Variants in GRIP1 observed in about 807,000 individuals in gnomAD.
The protein encoded by GRIP1 is glutamate receptor interacting protein 1, also known as glutamate receptor-interacting protein 1.
Under a neutral mutation model 129.9 loss-of-function variants are expected in GRIP1, and 45 were observed. That is an observed-to-expected ratio of 0.35 (90% CI 0.27 to 0.44). GRIP1 has a LOEUF of 0.44. Ranked by LOEUF, GRIP1 falls within the 20% of genes least tolerant of loss-of-function variation. The probability of loss-of-function intolerance (pLI) is 1.00; values close to 1 mark genes in which losing one functional copy is unlikely to be tolerated. For missense variants in GRIP1, 1,196 were observed against 1,396.8 expected (o/e 0.86, Z 2.29); for synonymous variants, 530 against 520.8 (o/e 1.02, Z -0.24).
intron 1 of GRIP1, among the ~76,000 whole-genome samples, chr12:66,886,862 T>G (rs964459438): frequency 1.7e-4 from 26 of 152,346 alleles, no homozygotes; most frequent in Admixed American, 1.7e-3. Context: ...TGTTAATTAC[T>G]GTTATTACTA....
At chr12:66,780,564 T>C (rs1429246890) in intron 1 of GRIP1, among the ~76,000 whole-genome samples, 2 of 152,066 alleles carry the variant, frequency 1.3e-5, no homozygotes, top group Non-Finnish European at 2.9e-5. Flanking sequence ...AAAGAGAAGA[T>C]CCAGATGAAA....
intron 2 of GRIP1, among the ~76,000 whole-genome samples, chr12:66,545,207 T>C (rs1282276822): frequency 2.0e-5 from 3 of 152,206 alleles, no homozygotes; most frequent in African/African-American, 7.2e-5. Flanking sequence ...AGCTATACCA[T>C]TACTTACTCA....
chr12:66,558,157 G>GA (rs1347684872), intron 2 of GRIP1, among the ~76,000 whole-genome samples: 11 of 152,122 alleles, frequency 7.2e-5, no homozygotes, highest in African/African-American at 2.4e-4. Context: ...AAACTCAAAG[G>GA]ACCTATATTA....
chr12:66,632,129 G>T (rs1488655774), intron 1 of GRIP1, among the ~76,000 whole-genome samples: 2 of 152,074 alleles, frequency 1.3e-5, no homozygotes, highest in Admixed American at 1.3e-4. Context: ...GTCAAGAGTG[G>T]CCCCATTTCT....
chr12:66,543,939 T>G (rs2061867423), intron 2 of GRIP1, among the ~76,000 whole-genome samples: 1 of 152,106 alleles, frequency 6.6e-6, no homozygotes, highest in South Asian at 2.1e-4. Context: ...ATGTGAGAAG[T>G]AAGTTTCTAT....
chr12:66,769,150 C>T (rs748111077), intron 1 of GRIP1, among the ~76,000 whole-genome samples: 2 of 152,030 alleles, frequency 1.3e-5, no homozygotes, highest in Non-Finnish European at 2.9e-5. Context: ...GATGCGGATG[C>T]TGTGGAGGGA....
intron 2 of GRIP1, among the ~76,000 whole-genome samples, chr12:66,592,079 A>G (rs2063868184): frequency 6.6e-6 from 1 of 152,224 alleles, no homozygotes; most frequent in Non-Finnish European, 1.5e-5. Flanking sequence ...CAAATGAAGC[A>G]TCTAATTATA....
intron 1 of GRIP1, among the ~76,000 whole-genome samples, chr12:66,851,756 C>A (rs1286849015): frequency 6.6e-6 from 1 of 152,098 alleles, no homozygotes; most frequent in African/African-American, 2.4e-5. Flanking sequence ...TAGTGTATGG[C>A]TAAGCAGGAT....
rs150335496 is a variant in GRIP1 at position 66,618,312 on chromosome 12, C to T, written c.56-21385G>A. Among the ~76,000 whole-genome samples the T allele has an allele frequency of 1.1e-4, 16 of 152,136 alleles. No homozygotes were observed. The East Asian group carries it at 1.7e-3, about 17-fold the overall frequency. ...ATTTTGTTTTAAAAACAGAAAATTA[C>T]GAATATAAATTTATAGTTGCTTCTA... On this transcript the variant is annotated intron_variant, in intron 1 of 24. Coordinates refer to ENST00000359742, the MANE Select transcript of GRIP1 (RefSeq NM_001366722.1).
chr12:66,484,538 G>A (rs944592507), intron 7 of GRIP1, among the ~76,000 whole-genome samples: 21 of 152,184 alleles, frequency 1.4e-4, no homozygotes, highest in African/African-American at 5.1e-4. Context: ...ACATGGATGG[G>A]TCTGGATGAC....
intron 7 of GRIP1, among the ~76,000 whole-genome samples, chr12:66,511,216 T>C (rs572129526): frequency 6.6e-6 from 1 of 152,280 alleles, no homozygotes; most frequent in African/African-American, 2.4e-5. Flanking sequence ...TCTGCTGCCA[T>C]GGGAAATGTT....
intron 20 of GRIP1, among the ~76,000 whole-genome samples, chr12:66,378,523 G>A (rs543227086): frequency 1.0e-3 from 154 of 152,112 alleles, no homozygotes; most frequent in African/African-American, 3.1e-3. Context: ...TGAGGCAGGC[G>A]GATCATGAGG....
intron 1 of GRIP1, among the ~76,000 whole-genome samples, chr12:66,664,076 T>C (rs1474054627): frequency 2.0e-5 from 3 of 152,200 alleles, no homozygotes; most frequent in Non-Finnish European, 4.4e-5. Context: ...TATGCTAATA[T>C]GGTTTTGAAT....
intron 1 of GRIP1, among the ~76,000 whole-genome samples, chr12:66,857,230 G>C (rs1002074785): frequency 1.3e-5 from 2 of 151,788 alleles, no homozygotes; most frequent in African/African-American, 4.8e-5. Context: ...TTGTGGGGTG[G>C]GGGGAAGGGG....
intron 1 of GRIP1, among the ~76,000 whole-genome samples, chr12:66,751,473 G>T (rs1220014796): frequency 6.6e-6 from 1 of 152,082 alleles, no homozygotes; most frequent in Non-Finnish European, 1.5e-5. Context: ...AAAACATTCA[G>T]GATTGTTTCT....
intron 2 of GRIP1, chr12:66,568,782 TG>T (rs373302510): frequency 3.3e-4 from 90 of 273,832 alleles, no homozygotes; most frequent in African/African-American, 1.9e-3. Flanking sequence ...AGGTGGTGAA[TG>T]GGCACTGCCT....
intron 7 of GRIP1, among the ~76,000 whole-genome samples, chr12:66,471,622 C>T (rs1460618718): frequency 6.6e-6 from 1 of 152,136 alleles, no homozygotes; most frequent in East Asian, 1.9e-4. Flanking sequence ...GCAGTTCTCA[C>T]TATTGGAAAG....
intron 1 of GRIP1, among the ~76,000 whole-genome samples, chr12:66,983,440 T>C (rs900342107): frequency 6.6e-6 from 1 of 152,164 alleles, no homozygotes; most frequent in African/African-American, 2.4e-5. Context: ...CCAGTTGTAA[T>C]CTTACTGACA....
At chr12:66,557,850 T>G (rs1159212373) in intron 2 of GRIP1, among the ~76,000 whole-genome samples, 1 of 152,010 alleles carries the variant, frequency 6.6e-6, no homozygotes, top group African/African-American at 2.4e-5. Flanking sequence ...CTATTAATAC[T>G]ACATCAAAAA....
Sources: allele counts gnomAD v4.1 joint callset (sites outside exome capture counted in the v4.1 genomes callset), GRCh38; gene constraint gnomAD v4.1.1; transcripts MANE v1.5; gene names NCBI Gene and HGNC (gene_info 2026-07-23, HGNC 2026-07-21).